MTR: variants seen among roughly 807,000 people sequenced by gnomAD.
MTR encodes methionine synthase.
MTR carries 84 observed loss-of-function variants against 154.8 expected under a neutral mutation model. That is an observed-to-expected ratio of 0.54 (90% CI 0.45 to 0.65). The LOEUF (loss-of-function observed/expected upper bound fraction) is 0.65. Among genes scored for constraint, MTR ranks in the 30% least tolerant of loss-of-function variants. The pLI is 0.00. For missense variants in MTR, 1,275 were observed against 1,570.2 expected (o/e 0.81, Z 3.18); for synonymous variants, 554 against 553.9 (o/e 1.00, Z 0.00).
At chr1:236,895,118 T>C (rs1572348873) in intron 30 of MTR, 1 of 566,252 alleles carries the variant, frequency 1.8e-6, no homozygotes, top group Non-Finnish European at 3.2e-6. Context: ...CTAAAATCTT[T>C]AGGTCATTAA....
At chr1:236,870,608 C>T (rs1034284655) in intron 22 of MTR, among the ~76,000 whole-genome samples, 6 of 152,088 alleles carry the variant, frequency 3.9e-5, no homozygotes, top group Non-Finnish European at 7.4e-5. Context: ...GGGCTGAAGT[C>T]GTCTCATTCG....
intron 10 of MTR, among the ~76,000 whole-genome samples, chr1:236,826,490 C>T (rs1319214951): frequency 6.6e-6 from 1 of 152,086 alleles, no homozygotes; most frequent in African/African-American, 2.4e-5. Context: ...GAGATGAGGT[C>T]TTGCTATATT....
chr1:236,837,394 T>C (rs1662969363), intron 14 of MTR, among the ~76,000 whole-genome samples: 2 of 152,214 alleles, frequency 1.3e-5, no homozygotes, highest in Non-Finnish European at 2.9e-5. Flanking sequence ...CCATTCTCCA[T>C]GCTTCATAGA....
At chr1:236,820,302 C>T in intron 8 of MTR, 1 of 752,914 alleles carries the variant, frequency 1.3e-6, no homozygotes, top group Non-Finnish European at 2.4e-6. Context: ...AGACTGTGAC[C>T]AAGGAGGAGT....
In MTR at chr1:236,856,187, C is replaced by G. The variant is rs61407965; in HGVS notation, c.1953+3099C>G. On this transcript the variant is annotated intron_variant, in intron 18 of 32. Transcript: ENST00000366577. ...TATTTTTCTGTGAACACACCAGTTC[C>G]TTTTTTCAAGAGTGTTTGGAACACA... is the stretch of plus-strand genomic sequence containing the variant. Among the ~76,000 whole-genome samples, 217 of 151,416 alleles carry G rather than the reference C, an allele frequency of 1.4e-3. 1 individual carries two copies. Among genetic ancestry groups the G allele is most frequent in the African/African-American group, 4.3e-3 (180 of 41,518 alleles).
At chr1:236,816,239 C>A (rs1661585064) in intron 7 of MTR, among the ~76,000 whole-genome samples, 2 of 152,054 alleles carry the variant, frequency 1.3e-5, no homozygotes, top group South Asian at 4.2e-4. Context: ...TCCCTTGTCT[C>A]TGTTTCTGTG....
intron 8 of MTR, among the ~76,000 whole-genome samples, chr1:236,817,646 C>A (rs1661675763): frequency 6.6e-6 from 1 of 152,150 alleles, no homozygotes; most frequent in South Asian, 2.1e-4. Context: ...AATAGAGGAT[C>A]TGGGGACAGG....
chr1:236,863,566 C>T lies in MTR; in HGVS notation c.2405+12C>T. 6.2e-7 allele frequency: 1 copy of T among 1,606,324 alleles called. No individual in the cohort carries two copies. Among genetic ancestry groups the T allele is most frequent in the Non-Finnish European group, 8.5e-7 (1 of 1,173,058 alleles). Reference sequence around the variant, plus strand: ...TGCAATAATTTCCGGTAAGTTAGGACCTCACCTCTTTCAACCCCTTTTCCA... The same window carrying T: ...TGCAATAATTTCCGGTAAGTTAGGATCTCACCTCTTTCAACCCCTTTTCCA... On this transcript the variant is annotated intron_variant, in intron 22 of 32. Coordinates refer to ENST00000366577, the MANE Select transcript of MTR (RefSeq NM_000254.3).
chr1:236,801,643 T>A (rs1358922335), intron 1 of MTR, among the ~76,000 whole-genome samples: 1 of 152,256 alleles, frequency 6.6e-6, no homozygotes, highest in East Asian at 1.9e-4. Flanking sequence ...TGCCAAGTAC[T>A]GACCTTAGTG....
At chr1:236,806,044 A>G in intron 2 of MTR, 100 bp from the exon 3 acceptor site, 1 of 980,842 alleles carries the variant, frequency 1.0e-6, no homozygotes, top group Admixed American at 1.9e-5. Flanking sequence ...AAATGGTCAA[A>G]AGGTAGCTGC....
At chr1:236,862,512 G>C (rs1331821323) in intron 21 of MTR, among the ~76,000 whole-genome samples, 169 bp downstream of exon 21, 2 of 152,134 alleles carry the variant, frequency 1.3e-5, no homozygotes, top group Non-Finnish European at 2.9e-5. Flanking sequence ...AATACTCTGG[G>C]ACTTTCTTTT....
At chr1:236,852,464 T>C in intron 16 of MTR, 57 bp from the exon 17 acceptor site, 2 of 1,237,942 alleles carry the variant, frequency 1.6e-6, no homozygotes, top group Non-Finnish European at 2.4e-6. Context: ...TTAAGAGATG[T>C]GATTGCTGTT....
intron 21 of MTR, 32 bp downstream of exon 21, chr1:236,862,375 T>A (rs2103307806): frequency 6.4e-7 from 1 of 1,565,574 alleles, no homozygotes; most frequent in Non-Finnish European, 8.8e-7. Context: ...TATGGGCCTT[T>A]AGTGGGTTGA....
chr1:236,855,098 C>T (rs1664130114), intron 18 of MTR, among the ~76,000 whole-genome samples: 1 of 152,094 alleles, frequency 6.6e-6, no homozygotes, highest in Non-Finnish European at 1.5e-5. Context: ...TGTAGCAATT[C>T]CTTAGGATGC....
At chr1:236,840,330 G>C (rs1157118781) in intron 15 of MTR, among the ~76,000 whole-genome samples, 1 of 152,134 alleles carries the variant, frequency 6.6e-6, no homozygotes, top group Non-Finnish European at 1.5e-5. Flanking sequence ...TGTTATTTTT[G>C]AATGTCTTGT....
In MTR at chr1:236,902,853, A is replaced by C. The variant is rs1666980841; in HGVS notation, c.*5209A>C. The C allele has an allele frequency of 6.6e-6, 1 of 151,922 alleles. No homozygotes were observed. Among genetic ancestry groups the C allele is most frequent in the Admixed American group, 6.6e-5 (1 of 15,250 alleles). The allele number at this position is 151,922 out of a possible 1,614,324, so 9.4% of individuals were successfully genotyped here. A position where few individuals can be genotyped will look rare whatever the true frequency, so the allele number is the denominator to read the frequency against. The stretch of plus-strand genomic sequence containing the variant: ...CAGCCCTGCAAAAACAAAACAAAAC[A>C]AAACCCTCAGTTCATGGCATACTTG... On this transcript the variant is annotated 3_prime_UTR_variant, in exon 33 of 33. Coordinates refer to ENST00000366577, the MANE Select transcript of MTR (RefSeq NM_000254.3).
intron 9 of MTR, 40 bp from the exon 10 acceptor site, chr1:236,825,298 T>TA: frequency 6.7e-7 from 1 of 1,490,592 alleles, no homozygotes; most frequent in Non-Finnish European, 9.4e-7. Context: ...TGTATATTTT[T>TA]AAGGCAATTT....
At chr1:236,846,870 G>GT (rs890415562) in intron 15 of MTR, among the ~76,000 whole-genome samples, 11 of 151,400 alleles carry the variant, frequency 7.3e-5, no homozygotes, top group South Asian at 2.1e-4. Context: ...CATCACTTCT[G>GT]TTTTTTTTGT....
intron 3 of MTR, 77 bp downstream of exon 3, chr1:236,806,310 A>C: frequency 8.5e-7 from 1 of 1,169,874 alleles, no homozygotes; most frequent in Non-Finnish European, 1.3e-6. Context: ...TGAGTAAAGC[A>C]CTGGAAGCTG....
Sources: allele counts gnomAD v4.1 joint callset (sites outside exome capture counted in the v4.1 genomes callset), GRCh38; gene constraint gnomAD v4.1.1; transcripts MANE v1.5; gene names NCBI Gene and HGNC (gene_info 2026-07-23, HGNC 2026-07-21).